The following IL1RL2 variants were observed in gnomAD, a reference collection of about 807,000 sequenced individuals.
IL1RL2 encodes the protein interleukin 1 receptor like 2.
Under a neutral mutation model 66.8 loss-of-function variants are expected in IL1RL2, and 68 were observed. That is an observed-to-expected ratio of 1.02 (90% confidence interval 0.84 to 1.25). The LOEUF (loss-of-function observed/expected upper bound fraction) is 1.25, where lower values mean the gene tolerates loss of function less well. IL1RL2 is among the 50% of genes most tolerant of loss of function. IL1RL2 has a pLI of 0.00. For synonymous variants in IL1RL2, 305 were observed against 264.6 expected, an observed-to-expected ratio of 1.15 and a Z score of -1.48; for missense variants, 729 against 709.3, an observed-to-expected ratio of 1.03 and a Z score of -0.32.
At chr2:102,188,973 A>G in intron 2 of IL1RL2, 103 bp from the exon 3 acceptor site, 1 of 800,340 alleles carries the variant, frequency 1.2e-6, no homozygotes, top group Non-Finnish European at 2.0e-6. Flanking sequence ...ATAAAATTTC[A>G]AATTGGCTGG....
At chr2:102,241,890 G>A (rs2104919345), downstream of IL1RL2, among the ~76,000 whole-genome samples, 1 of 152,306 alleles carries the variant, frequency 6.6e-6, no homozygotes, top group African/African-American at 2.4e-5. Context: ...AGCATCTTAT[G>A]TGTTAGAGGT....
chr2:102,227,291 G>A (rs567048320), intron 9 of IL1RL2, among the ~76,000 whole-genome samples: 84 of 148,220 alleles, frequency 5.7e-4, no homozygotes, highest in African/African-American at 1.9e-3. Flanking sequence ...GTCTGAGAAC[G>A]TTTTATGGGC....
intron 4 of IL1RL2, 122 bp from the exon 5 acceptor site, chr2:102,201,434 C>G: frequency 2.5e-6 from 2 of 800,576 alleles, no homozygotes; most frequent in Non-Finnish European, 4.1e-6. Context: ...ACCTATTTTT[C>G]TATTTACCTA....
intron 1 of IL1RL2, among the ~76,000 whole-genome samples, 165 bp from the exon 2 acceptor site, chr2:102,187,691 G>GCAGT (rs1686809023): frequency 6.6e-6 from 1 of 152,226 alleles, no homozygotes. Context: ...CAGGGGAAGG[G>GCAGT]CAGTCTTTGG....
intron 9 of IL1RL2, among the ~76,000 whole-genome samples, chr2:102,227,370 G>T (rs539190310): frequency 1.3e-5 from 2 of 152,330 alleles, no homozygotes; most frequent in South Asian, 4.1e-4. Context: ...CAGTACGGTT[G>T]TTGCCCACAT....
rs186932964 is a variant in IL1RL2 at position 102,189,342 on chromosome 2, G to A, written c.293+32G>A. The A allele has an allele frequency of 1.1e-3, 1,355 of 1,268,586 alleles. 2 individuals carry two copies. Among genetic ancestry groups the A allele is most frequent in the Middle Eastern group, 2.3e-3 (12 of 5,324 alleles). The allele number at this position is 1,268,586 out of a possible 1,614,324, so 78.6% of individuals were successfully genotyped here. ...TCCTAATTTAAAATAGAACTAACTC[G>A]TGTGTGTATGTATAAATTATTTTAG... On this transcript the variant is annotated intron_variant, in intron 3 of 11. Coordinates refer to ENST00000264257, the MANE Select transcript of IL1RL2 (RefSeq NM_003854.4).
chr2:102,219,891 T>A lies in IL1RL2; in HGVS notation c.865T>A (p.Ser289Thr), dbSNP rs374782024. The A allele has an allele frequency of 2.5e-6, 4 of 1,608,688 alleles. No individual in the cohort carries two copies. Among genetic ancestry groups the A allele is most frequent in the Middle Eastern group, 1.6e-4 (1 of 6,072 alleles). Reference sequence around the variant, plus strand: ...TCTTTTCTTTTATAGAACCCATGTCTCTTTTCGGGAACATAATTTGTACAC... The same window carrying A: ...TCTTTTCTTTTATAGAACCCATGTCACTTTTCGGGAACATAATTTGTACAC... The part of the protein sequence containing the change: ...RIREGVETHV[S>T]FREHNLYTVN... Residue 289 changes from serine (S) to threonine (T), a missense_variant, in exon 8 of 12, where the codon TCT becomes ACT. Coordinates refer to ENST00000264257, the MANE Select transcript of IL1RL2 (RefSeq NM_003854.4).
intron 6 of IL1RL2, among the ~76,000 whole-genome samples, chr2:102,212,918 G>A (rs969881293): frequency 6.6e-6 from 1 of 152,254 alleles, no homozygotes; most frequent in Admixed American, 6.5e-5. Context: ...GCAGTGAGCC[G>A]AGATCGCGCC....
chr2:102,236,953 T>A (rs888453781), intron 11 of IL1RL2, among the ~76,000 whole-genome samples: 1 of 152,264 alleles, frequency 6.6e-6, no homozygotes, highest in Admixed American at 6.5e-5. Flanking sequence ...AGTGCTGGTC[T>A]CCGGGAAGTC....
At chr2:102,203,042 G>A (rs1455367395) in intron 5 of IL1RL2, among the ~76,000 whole-genome samples, 1 of 152,074 alleles carries the variant, frequency 6.6e-6, no homozygotes, top group Non-Finnish European at 1.5e-5. Context: ...TTATTACATT[G>A]AGACATGTTC....
In IL1RL2 at chr2:102,225,927, G is replaced by C; in HGVS notation, c.1021G>C (p.Gly341Arg). The change falls in exon 9 of 12, where the codon GGG becomes CGG. Residue 341 changes from glycine to arginine, a missense_variant. Coordinates refer to ENST00000264257, the MANE Select transcript of IL1RL2 (RefSeq NM_003854.4). The part of the protein sequence containing the change: ...APDFRAYLIG[G>R]LIALVAVAVS... ...GGATTTTCGAGCTTACTTGATAGGA[G>C]GGCTTATCGCCTTGGTGGCTGTGGC... 1.9e-6 allele frequency: 3 copies of C among 1,599,464 alleles called. No individual in the cohort carries two copies. The highest frequency in any genetic ancestry group is 1.7e-4 in the Middle Eastern group (1 of 5,998).
chr2:102,225,876 A>AT (rs1335571113), intron 8 of IL1RL2, 22 bp from the exon 9 acceptor site: 13 of 1,477,970 alleles, frequency 8.8e-6, no homozygotes, highest in East Asian at 2.5e-5. Context: ...AATTATTATT[A>AT]TTTTTTTGCT....
intron 6 of IL1RL2, among the ~76,000 whole-genome samples, chr2:102,215,532 G>T (rs1689534402): frequency 6.6e-6 from 1 of 152,048 alleles, no homozygotes; most frequent in African/African-American, 2.4e-5. Flanking sequence ...GACCTACTCT[G>T]CTCACCCTCA....
intron 7 of IL1RL2, 32 bp downstream of exon 7, chr2:102,219,114 C>T (rs766236834): frequency 2.7e-5 from 43 of 1,612,198 alleles, no homozygotes; most frequent in Admixed American, 1.3e-4. Context: ...CTTCTCTAAA[C>T]GCTAGCAAGG....
rs1687719493 is a variant in IL1RL2, at chr2:102,195,703, T to G, written c.489+3583T>G. Among the ~76,000 whole-genome samples the G allele has an allele frequency of 2.4e-5, 3 of 126,908 alleles. No homozygotes were observed. In the Admixed American group the frequency reaches 2.4e-4, roughly 10 times the overall value. The allele number at this position is 126,908 out of a possible 152,430, so 83.3% of individuals were successfully genotyped here. A position where few individuals can be genotyped will look rare whatever the true frequency, so the allele number is the denominator to read the frequency against. ...TCTTTCTTCTTTCTTCCTTCCTTCC[T>G]TCTTTCTTTCTTTTTTTTTTTCTTT... On this transcript the variant is annotated intron_variant, in intron 4 of 11. Coordinates refer to ENST00000264257, the MANE Select transcript of IL1RL2 (RefSeq NM_003854.4).
At chr2:102,217,088 A>G (rs1029094637) in intron 6 of IL1RL2, among the ~76,000 whole-genome samples, 3 of 152,110 alleles carry the variant, frequency 2.0e-5, no homozygotes, top group Non-Finnish European at 4.4e-5. Context: ...TATGATGGTA[A>G]TTATCACCCT....
Position 102,226,028 on chromosome 2 carries a change from A to G in IL1RL2, c.1122A>G (p.Thr374=), listed in dbSNP as rs370244665. 1.4e-4 allele frequency: 232 copies of G among 1,600,530 alleles called. 2 individuals carry two copies. The South Asian group carries it at 2.5e-3, about 17-fold the overall frequency. ...GGTATCGAAGTGCCTTCCATTCTAC[A>G]GAGACCATAGTAGGTAAGTGTGTGT... The part of the protein sequence containing the change: ...VLWYRSAFHS[T]ETIVDGKLYD... The change falls in exon 9 of 12, where the codon ACA becomes ACG. Residue 374 remains threonine, a synonymous_variant. Coordinates refer to ENST00000264257, the MANE Select transcript of IL1RL2 (RefSeq NM_003854.4).
At chr2:102,200,062 T>A (rs1578113734) in intron 4 of IL1RL2, among the ~76,000 whole-genome samples, 1 of 124,926 alleles carries the variant, frequency 8.0e-6, no homozygotes, top group Non-Finnish European at 1.6e-5. Context: ...GAGGCTGGAG[T>A]GGGAGGATCC....
At chr2:102,212,734 T>C (rs7584213) in intron 6 of IL1RL2, among the ~76,000 whole-genome samples, 141,511 of 152,222 alleles carry the variant, frequency 0.93, 65,867 homozygotes, top group East Asian at 0.98. Flanking sequence ...TTTAGGAGGC[T>C]GAGGCAGGCA....
Sources: gnomAD v4.1 joint callset for allele counts (sites outside exome capture counted in the v4.1 genomes callset) on GRCh38, gnomAD v4.1.1 for gene constraint, MANE v1.5 for transcripts, NCBI Gene and HGNC (gene_info 2026-07-23, HGNC 2026-07-21) for gene names.